ADAMTSL1: variants seen among roughly 807,000 people sequenced by gnomAD.
The protein encoded by ADAMTSL1 is ADAMTS like 1.
A neutral mutation model predicts 201.8 loss-of-function variants in ADAMTSL1; 126 were observed. That is an observed-to-expected ratio of 0.62 (90% confidence interval 0.54 to 0.72). The LOEUF is 0.72. Ranked by LOEUF, ADAMTSL1 falls within the 30% of genes least tolerant of loss-of-function variation. ADAMTSL1 has a pLI of 0.00. For missense variants in ADAMTSL1, 2,679 were observed against 2,277.8 expected (o/e 1.18, Z -3.59); for synonymous variants, 1,121 against 903.4 (o/e 1.24, Z -4.32).
chr9:18,825,861 A>G (rs527749830), intron 21 of ADAMTSL1, among the ~76,000 whole-genome samples: 2 of 151,872 alleles, frequency 1.3e-5, no homozygotes, highest in Non-Finnish European at 2.9e-5. Flanking sequence ...TATTTCATGT[A>G]GTTTCATTTT....
chr9:18,607,417 C>G (rs564572445), intron 4 of ADAMTSL1, among the ~76,000 whole-genome samples: 25 of 152,070 alleles, frequency 1.6e-4, no homozygotes, highest in Middle Eastern at 3.4e-3. Flanking sequence ...AATATGGGGA[C>G]TTTTCAATTT....
At chr9:17,955,534 C>A (rs1827896045) in intron 1 of ADAMTSL1, among the ~76,000 whole-genome samples, 1 of 152,168 alleles carries the variant, frequency 6.6e-6, no homozygotes, top group South Asian at 2.1e-4. Flanking sequence ...CATTAAGTGA[C>A]AAATTCAGAA....
At chr9:18,329,353 T>G (rs1405720035) in intron 2 of ADAMTSL1, among the ~76,000 whole-genome samples, 1 of 152,118 alleles carries the variant, frequency 6.6e-6, no homozygotes, top group Non-Finnish European at 1.5e-5. Context: ...TAAAATACCT[T>G]CACACTCACT....
intron 13 of ADAMTSL1, among the ~76,000 whole-genome samples, chr9:18,700,343 A>T (rs1225833897): frequency 1.3e-5 from 2 of 152,198 alleles, no homozygotes; most frequent in African/African-American, 4.8e-5. Flanking sequence ...GGCATTAAAT[A>T]ACTAAAGAGT....
chr9:17,913,389 T>C (rs1825965752), intron 1 of ADAMTSL1, among the ~76,000 whole-genome samples: 2 of 152,190 alleles, frequency 1.3e-5, no homozygotes, highest in Admixed American at 6.5e-5. Flanking sequence ...TGGTTTGTAG[T>C]TCTCCTTGAA....
chr9:18,626,941 T>G (rs1015788296), intron 5 of ADAMTSL1, among the ~76,000 whole-genome samples: 1 of 142,940 alleles, frequency 7.0e-6, no homozygotes. Flanking sequence ...TTTCTTTCCT[T>G]TCTTTCTTTC....
At chr9:18,481,630 G>A (rs556017338) in intron 1 of ADAMTSL1, among the ~76,000 whole-genome samples, 4 of 151,982 alleles carry the variant, frequency 2.6e-5, no homozygotes, top group South Asian at 2.1e-4. Context: ...CTGCTTAGAC[G>A]CTGTTTGTTT....
chr9:18,212,605 G>T (rs1258792513), intron 2 of ADAMTSL1, among the ~76,000 whole-genome samples: 18 of 152,100 alleles, frequency 1.2e-4, no homozygotes, highest in Admixed American at 1.2e-3. Flanking sequence ...CTTTGCAATT[G>T]CATGTGCAAT....
rs528399944 is a variant in ADAMTSL1 at position 18,639,305 on chromosome 9, C to G, written c.728C>G (p.Ser243Cys). The stretch of plus-strand genomic sequence containing the variant: ...ACTAAAGGTGAAAACAGTCTCAGCT[C>G]CACAGGAACTTTCCTTGTGGACAAT... Reference protein sequence around the residue: ...QGTKGENSLSSTGTFLVDNSS... With the variant: ...QGTKGENSLSCTGTFLVDNSS... The change falls in exon 7 of 29, where the codon TCC becomes TGC. Residue 243 changes from serine to cysteine, a missense_variant. Coordinates refer to ENST00000380548, the MANE Select transcript of ADAMTSL1 (RefSeq NM_001040272.6). The G allele has an allele frequency of 1.4e-4, 222 of 1,613,026 alleles. 7 individuals are homozygous for G. The South Asian group carries it at 2.0e-3, about 15-fold the overall frequency.
At chr9:17,998,436 G>C (rs1225512581) in intron 1 of ADAMTSL1, among the ~76,000 whole-genome samples, 1 of 152,030 alleles carries the variant, frequency 6.6e-6, no homozygotes, top group Non-Finnish European at 1.5e-5. Context: ...AGTAATGCTA[G>C]GCTGCTGGTC....
intron 1 of ADAMTSL1, among the ~76,000 whole-genome samples, chr9:17,974,623 T>C (rs1439946961): frequency 6.6e-6 from 1 of 152,056 alleles, no homozygotes; most frequent in Admixed American, 6.6e-5. Flanking sequence ...GTATTTATCT[T>C]TCTGTGCCTT....
At chr9:18,863,361 C>A (rs1827322624) in intron 23 of ADAMTSL1, among the ~76,000 whole-genome samples, 1 of 152,146 alleles carries the variant, frequency 6.6e-6, no homozygotes, top group African/African-American at 2.4e-5. Flanking sequence ...GTTAGCATAC[C>A]CCCTGCCAAC....
At chr9:18,332,416 C>T (rs1257501528) in intron 2 of ADAMTSL1, among the ~76,000 whole-genome samples, 1 of 151,870 alleles carries the variant, frequency 6.6e-6, no homozygotes, top group Non-Finnish European at 1.5e-5. Context: ...TGAGTTTTGC[C>T]TTCTCTTGCT....
intron 2 of ADAMTSL1, among the ~76,000 whole-genome samples, chr9:18,264,156 C>T (rs1742028582): frequency 6.6e-6 from 1 of 152,128 alleles, no homozygotes. Flanking sequence ...CTATTCCTCC[C>T]TCTTAATGAC....
In ADAMTSL1 at chr9:18,162,271, C is replaced by A. The variant is rs558183025; in HGVS notation, c.88-1591C>A. On this transcript the variant is annotated intron_variant, in intron 1 of 29. Coordinates refer to the ADAMTSL1 transcript ENST00000680146. ...TACACTTTAAATCTCTTTGATTTCC[C>A]CCTCTGTCACATCGCTGACTTCCTC... 2.6e-5 allele frequency among the ~76,000 whole-genome samples: 4 copies of A among 152,128 alleles called. No individual in the cohort carries two copies. The East Asian group carries it at 7.8e-4, about 30-fold the overall frequency.
chr9:18,365,524 A>C (rs1301198986), intron 2 of ADAMTSL1, among the ~76,000 whole-genome samples: 1 of 152,188 alleles, frequency 6.6e-6, no homozygotes, highest in Non-Finnish European at 1.5e-5. Context: ...TCAGACTGTC[A>C]TGCACATCAT....
chr9:18,646,272 G>A (rs1313110425), intron 7 of ADAMTSL1, among the ~76,000 whole-genome samples: 2 of 152,076 alleles, frequency 1.3e-5, no homozygotes, highest in Non-Finnish European at 2.9e-5. Context: ...TTGCTTATCA[G>A]CTTAAGGAGA....
intron 23 of ADAMTSL1, among the ~76,000 whole-genome samples, chr9:18,844,114 T>A (rs1825925742): frequency 6.6e-6 from 1 of 152,210 alleles, no homozygotes; most frequent in African/African-American, 2.4e-5. Context: ...AGGTGCTCTG[T>A]TTTTTAGAGT....
At chr9:18,151,582 T>C (rs1826915306) in intron 1 of ADAMTSL1, among the ~76,000 whole-genome samples, 1 of 152,066 alleles carries the variant, frequency 6.6e-6, no homozygotes, top group Admixed American at 6.6e-5. Flanking sequence ...TTTATTTTCA[T>C]TGTATTCAAC....
Sources: allele counts gnomAD v4.1 joint callset (sites outside exome capture counted in the v4.1 genomes callset), GRCh38; gene constraint gnomAD v4.1.1; transcripts MANE v1.5; gene names NCBI Gene and HGNC (gene_info 2026-07-23, HGNC 2026-07-21).